CDH13: variants seen among roughly 807,000 people sequenced by gnomAD.
The protein encoded by CDH13 is cadherin 13, also known as cadherin-13.
In CDH13, 24 loss-of-function variants were observed where a neutral mutation model predicts 63.8. The observed-to-expected ratio is 0.38, with a 90% CI of 0.27 to 0.53. The LOEUF (loss-of-function observed/expected upper bound fraction) is 0.53, where lower values mean the gene tolerates loss of function less well. Ranked by LOEUF, CDH13 falls within the 20% of genes least tolerant of loss-of-function variation. The pLI is 0.85. For synonymous variants in CDH13, 503 were observed against 355.3 expected (o/e 1.42, Z -4.67); for missense variants, 1,049 against 903.1 (o/e 1.16, Z -2.07).
intron 3 of CDH13, among the ~76,000 whole-genome samples, chr16:83,059,793 GTTT>G (rs66521965): frequency 4.0e-4 from 45 of 113,078 alleles, no homozygotes; most frequent in African/African-American, 1.3e-3. Flanking sequence ...TTTTTTGTTT[GTTT>G]TTTTTTTTTT....
chr16:82,875,158 G>C (rs1275270882), intron 2 of CDH13, among the ~76,000 whole-genome samples: 1 of 152,188 alleles, frequency 6.6e-6, no homozygotes, highest in Non-Finnish European at 1.5e-5. Context: ...GTGTCACAAA[G>C]TTTTTGCGTA....
chr16:83,493,839 G>A (rs896924928), intron 7 of CDH13, among the ~76,000 whole-genome samples: 30 of 152,210 alleles, frequency 2.0e-4, no homozygotes, highest in African/African-American at 6.3e-4. Context: ...AGGAGAGATC[G>A]TCAGTGGCAA....
intron 10 of CDH13, among the ~76,000 whole-genome samples, chr16:83,686,034 G>T (rs2150883153): frequency 6.6e-6 from 1 of 152,212 alleles, no homozygotes; most frequent in Middle Eastern, 3.4e-3. Flanking sequence ...CCCTGTAAAT[G>T]AGAACATCTT....
Position 83,236,677 on chromosome 16 carries a change from A to G in CDH13, c.636+19180A>G, listed in dbSNP as rs1339925536. Reference sequence around the variant, plus strand: ...CTTCCCACTTCTGCTTGTTTCAGCTAAGTAAAATATAAGGGAGTCCAGTAA... The same window carrying G: ...CTTCCCACTTCTGCTTGTTTCAGCTGAGTAAAATATAAGGGAGTCCAGTAA... On this transcript the variant is annotated intron_variant, in intron 5 of 13. Coordinates refer to ENST00000567109, the MANE Select transcript of CDH13 (RefSeq NM_001257.5). 5.9e-5 allele frequency among the ~76,000 whole-genome samples: 9 copies of G among 152,176 alleles called. No homozygotes were observed. In the South Asian group the frequency reaches 8.3e-4, roughly 14 times the overall value.
chr16:82,838,363 A>T (rs2038861193), intron 1 of CDH13, among the ~76,000 whole-genome samples: 1 of 152,210 alleles, frequency 6.6e-6, no homozygotes, highest in South Asian at 2.1e-4. Context: ...AGGGATGGAC[A>T]GGTGGTAGGT....
At chr16:83,235,088 C>G (rs1415333239) in intron 5 of CDH13, among the ~76,000 whole-genome samples, 1 of 152,150 alleles carries the variant, frequency 6.6e-6, no homozygotes, top group Non-Finnish European at 1.5e-5. Flanking sequence ...ACCTATAATC[C>G]TAGTTACTTG....
At chr16:83,093,226 T>A (rs990252700) in intron 3 of CDH13, among the ~76,000 whole-genome samples, 1 of 148,908 alleles carries the variant, frequency 6.7e-6, no homozygotes, top group Non-Finnish European at 1.5e-5. Flanking sequence ...ATTGAAATAA[T>A]TGACTCTATC....
At chr16:82,929,165 A>G (rs1437455655) in intron 2 of CDH13, among the ~76,000 whole-genome samples, 2 of 152,190 alleles carry the variant, frequency 1.3e-5, no homozygotes, top group African/African-American at 4.8e-5. Flanking sequence ...AGTATAGCAT[A>G]TATCATAGAA....
chr16:83,134,116 C>G (rs947273224), intron 4 of CDH13, among the ~76,000 whole-genome samples: 1 of 152,146 alleles, frequency 6.6e-6, no homozygotes, highest in Non-Finnish European at 1.5e-5. Flanking sequence ...TTTTAATTTT[C>G]TAAATTGGTA....
chr16:83,451,777 C>G (rs1051666475), intron 6 of CDH13, among the ~76,000 whole-genome samples: 1 of 152,258 alleles, frequency 6.6e-6, no homozygotes, highest in African/African-American at 2.4e-5. Flanking sequence ...CTTGGCCTCG[C>G]AAAGTGCTGG....
intron 4 of CDH13, among the ~76,000 whole-genome samples, chr16:83,197,217 A>T (rs1195167042): frequency 1.3e-5 from 2 of 152,022 alleles, no homozygotes; most frequent in Non-Finnish European, 2.9e-5. Flanking sequence ...CATTTATATG[A>T]TATTTTCTTT....
At position 83,111,002 on chromosome 16, in the gene CDH13, CAAAAAA is replaced by C. The variant is rs398030036; in HGVS notation, c.367-14368_367-14363del. Among the ~76,000 whole-genome samples, 150 of 106,274 alleles carry C rather than the reference CAAAAAA, an allele frequency of 1.4e-3. 2 individuals are homozygous for C. The South Asian group carries it at 0.028, about 20-fold the overall frequency. The allele number at this position is 106,274 out of a possible 152,430, so 69.7% of individuals were successfully genotyped here. A position where few individuals can be genotyped will look rare whatever the true frequency, so the allele number is the denominator to read the frequency against. The stretch of plus-strand genomic sequence containing the variant: ...CCTAAATGTATGTATTAGGTTGTTG[CAAAAAA>C]AAAAAAAAAAAAAATTAGCCGGGCG... On this transcript the variant is annotated intron_variant, in intron 3 of 13. Coordinates refer to ENST00000567109, the MANE Select transcript of CDH13 (RefSeq NM_001257.5).
intron 1 of CDH13, among the ~76,000 whole-genome samples, chr16:82,645,710 G>A (rs1021269125): frequency 3.9e-5 from 6 of 151,990 alleles, no homozygotes; most frequent in African/African-American, 1.5e-4. Flanking sequence ...TCTGAAGCTG[G>A]GGCTGTGAAA....
chr16:83,142,453 G>C (rs372193474), intron 4 of CDH13, among the ~76,000 whole-genome samples: 2 of 152,102 alleles, frequency 1.3e-5, no homozygotes, highest in African/African-American at 4.8e-5. Context: ...ACAGTGCCTG[G>C]TTGCCTTGGG....
intron 1 of CDH13, among the ~76,000 whole-genome samples, chr16:82,794,967 C>T (rs1402840023): frequency 6.6e-6 from 1 of 152,184 alleles, no homozygotes; most frequent in African/African-American, 2.4e-5. Flanking sequence ...ATGCTGCATC[C>T]TCCCAGTCCT....
intron 2 of CDH13, among the ~76,000 whole-genome samples, chr16:83,021,449 A>G (rs1304244893): frequency 6.6e-6 from 1 of 152,234 alleles, no homozygotes; most frequent in Admixed American, 6.5e-5. Flanking sequence ...AGACTGACAC[A>G]CATACAAAAC....
intron 5 of CDH13, among the ~76,000 whole-genome samples, chr16:83,342,232 C>T (rs754926720): frequency 3.9e-5 from 6 of 152,220 alleles, no homozygotes; most frequent in South Asian, 2.1e-4. Context: ...GTGAAGCTTT[C>T]GTATTCAAAC....
At chr16:83,214,232 G>A (rs1251177279) in intron 4 of CDH13, among the ~76,000 whole-genome samples, 1 of 151,898 alleles carries the variant, frequency 6.6e-6, no homozygotes, top group South Asian at 2.1e-4. Flanking sequence ...TCCCACGCAG[G>A]GAGCTGTTTC....
At chr16:83,537,785 C>G (rs1298031486) in intron 7 of CDH13, among the ~76,000 whole-genome samples, 4 of 152,292 alleles carry the variant, frequency 2.6e-5, no homozygotes, top group African/African-American at 7.2e-5. Context: ...GAATTGTACT[C>G]TGGAATTATA....
Sources: allele counts gnomAD v4.1 joint callset (sites outside exome capture counted in the v4.1 genomes callset), GRCh38; gene constraint gnomAD v4.1.1; transcripts MANE v1.5; gene names NCBI Gene and HGNC (gene_info 2026-07-23, HGNC 2026-07-21).